Variants in SEM1 observed in about 807,000 individuals in gnomAD.
The protein encoded by SEM1 is SEM1 26S proteasome subunit, also known as 26S proteasome complex subunit SEM1.
Under a neutral mutation model 12.7 loss-of-function variants are expected in SEM1, and 3 were observed. That is an observed-to-expected ratio of 0.24 (90% CI 0.11 to 0.61). The LOEUF (loss-of-function observed/expected upper bound fraction) is 0.61. Among genes scored for constraint, SEM1 ranks in the 20% least tolerant of loss-of-function variants. The probability of loss-of-function intolerance (pLI) is 0.88; values close to 1 mark genes in which losing one functional copy is unlikely to be tolerated. For missense variants in SEM1, 59 were observed against 81.3 expected (o/e 0.73, Z 1.06); for synonymous variants, 30 against 27.8 (o/e 1.08, Z -0.25).
At chr7:96,554,095 G>A (rs1265848939) in intron 2 of SEM1, among the ~76,000 whole-genome samples, 3 of 151,210 alleles carry the variant, frequency 2.0e-5, no homozygotes, top group Non-Finnish European at 4.4e-5. Flanking sequence ...GAGATTTTGG[G>A]CTGAGACAAT....
At chr7:96,535,614 C>T (rs901434777) in intron 2 of SEM1, among the ~76,000 whole-genome samples, 4 of 151,806 alleles carry the variant, frequency 2.6e-5, no homozygotes, top group East Asian at 1.9e-4. Flanking sequence ...TCTCTCTCTC[C>T]TCTCCCCTTC....
intron 2 of SEM1, among the ~76,000 whole-genome samples, chr7:96,516,047 T>A (rs1428125673): frequency 3.3e-5 from 5 of 150,626 alleles, no homozygotes; most frequent in East Asian, 1.9e-4. Context: ...CTTTTTCTTT[T>A]AAAAAAAAAG....
intron 3 of SEM1, among the ~76,000 whole-genome samples, chr7:96,484,667 T>C (rs1035568117): frequency 6.6e-6 from 1 of 152,174 alleles, no homozygotes; most frequent in Non-Finnish European, 1.5e-5. Flanking sequence ...AGCATGGAAT[T>C]GACAAGAAGT....
intron 2 of SEM1, among the ~76,000 whole-genome samples, chr7:96,576,942 A>G (rs1806223502): frequency 6.6e-6 from 1 of 152,038 alleles, no homozygotes; most frequent in Non-Finnish European, 1.5e-5. Flanking sequence ...ACATGGTGAA[A>G]CCCCGTTTCT....
chr7:96,626,565 CT>C (rs1243564257), intron 2 of SEM1, among the ~76,000 whole-genome samples: 1 of 151,956 alleles, frequency 6.6e-6, no homozygotes, highest in Non-Finnish European at 1.5e-5. Context: ...ATCCTTTATT[CT>C]GTTGATATGA....
At position 96,680,336 on chromosome 7, in the gene SEM1, G is replaced by A. The variant is rs976380570; in HGVS notation, c.171-6477C>T. Among the ~76,000 whole-genome samples the A allele has an allele frequency of 8.5e-5, 13 of 152,146 alleles. No individual in the cohort carries two copies. In the South Asian group the frequency reaches 2.3e-3, roughly 27 times the overall value. On this transcript the variant is annotated intron_variant, in intron 2 of 2. Transcript: ENST00000413065. ...TCTGAGACAACCCACAGTAAGACAA[G>A]GGGATATAAACATGAATACAATGGG...
rs73390923 is a variant in SEM1 at position 96,521,328 on chromosome 7, G to A, written c.171-14630C>T. ...GTGTTAAGATGAAAAACACAAGTTT[G>A]CTACTTAAAGGGGAACTGTCAGTCC... is the stretch of plus-strand genomic sequence containing the variant. On this transcript the variant is annotated intron_variant and NMD_transcript_variant, in intron 2 of 3. Transcript: ENST00000466986. Among the ~76,000 whole-genome samples the A allele has an allele frequency of 2.1e-3, 327 of 152,202 alleles. 2 individuals are homozygous for A. The highest frequency in any genetic ancestry group is 6.8e-3 in the Middle Eastern group (2 of 294).
intron 2 of SEM1, among the ~76,000 whole-genome samples, chr7:96,585,616 G>C (rs1274778521): frequency 6.6e-6 from 1 of 152,254 alleles, no homozygotes; most frequent in Non-Finnish European, 1.5e-5. Flanking sequence ...AGCAATCAGC[G>C]AGACTACATG....
intron 1 of SEM1, among the ~76,000 whole-genome samples, chr7:96,702,872 G>C (rs1360684204): frequency 6.6e-6 from 1 of 152,174 alleles, no homozygotes; most frequent in African/African-American, 2.4e-5. Flanking sequence ...CTATCATGAG[G>C]AAATAGGCAC....
chr7:96,595,785 A>C (rs1806978064), intron 2 of SEM1, among the ~76,000 whole-genome samples: 1 of 152,154 alleles, frequency 6.6e-6, no homozygotes, highest in South Asian at 2.1e-4. Flanking sequence ...GTTAAAGAAG[A>C]CTTTCCCCCT....
At chr7:96,500,818 T>C (rs1803506451), upstream of SEM1, among the ~76,000 whole-genome samples, 1 of 152,180 alleles carries the variant, frequency 6.6e-6, no homozygotes, top group African/African-American at 2.4e-5. Context: ...TCTTGGCTCC[T>C]GGATTTCACT....
chr7:96,585,501 G>C (rs1806590253), intron 2 of SEM1, among the ~76,000 whole-genome samples: 2 of 152,332 alleles, frequency 1.3e-5, no homozygotes, highest in South Asian at 2.1e-4. Context: ...CCACCCAGTT[G>C]GAACTTGCCA....
intron 2 of SEM1, among the ~76,000 whole-genome samples, chr7:96,578,031 T>C (rs1031064288): frequency 3.9e-5 from 6 of 151,942 alleles, no homozygotes; most frequent in African/African-American, 1.4e-4. Context: ...AAATAAAAAA[T>C]GAACCAAAGA....
At chr7:96,508,902 C>T (rs1230292919) in intron 2 of SEM1, among the ~76,000 whole-genome samples, 1 of 151,956 alleles carries the variant, frequency 6.6e-6, no homozygotes, top group Non-Finnish European at 1.5e-5. Context: ...TACTTGATAA[C>T]TCTAAATCAG....
At chr7:96,557,949 A>T (rs1440069026) in intron 2 of SEM1, among the ~76,000 whole-genome samples, 1 of 151,874 alleles carries the variant, frequency 6.6e-6, no homozygotes, top group African/African-American at 2.4e-5. Flanking sequence ...GAGTGACCCG[A>T]TTTTCCAGGT....
chr7:96,584,450 A>G (rs1429361097), intron 2 of SEM1, among the ~76,000 whole-genome samples: 1 of 151,748 alleles, frequency 6.6e-6, no homozygotes, highest in African/African-American at 2.4e-5. Context: ...TGTGTCTTGG[A>G]GTTGCTCTTC....
intron 2 of SEM1, among the ~76,000 whole-genome samples, chr7:96,632,583 T>C (rs1258597480): frequency 6.6e-6 from 1 of 151,940 alleles, no homozygotes; most frequent in Non-Finnish European, 1.5e-5. Flanking sequence ...GGGATAGCAT[T>C]AGGAGAAATA....
In SEM1 at chr7:96,598,705, G is replaced by A. The variant is rs557945313; in HGVS notation, c.171-92007C>T. ...CAAGTTCTAATTGGAAAGATCTGAA[G>A]AGTGTAGAACTACCATGTCTTTTTG... On this transcript the variant is annotated intron_variant and NMD_transcript_variant, in intron 2 of 3. Transcript: ENST00000466986. Among the ~76,000 whole-genome samples, 3 of 152,260 alleles carry A rather than the reference G, an allele frequency of 2.0e-5. No homozygotes were observed. The South Asian group carries it at 6.2e-4, about 32-fold the overall frequency.
At chr7:96,484,060 A>T (rs1296986155) in intron 3 of SEM1, 26 of 1,330,748 alleles carry the variant, frequency 2.0e-5, no homozygotes, top group Non-Finnish European at 2.5e-5. Context: ...TAACTTATTC[A>T]ATCTTCACAA....
Sources: allele counts gnomAD v4.1 joint callset (sites outside exome capture counted in the v4.1 genomes callset), GRCh38; gene constraint gnomAD v4.1.1; transcripts MANE v1.5; gene names NCBI Gene and HGNC (gene_info 2026-07-23, HGNC 2026-07-21).